PRELID2: variants seen among roughly 807,000 people sequenced by gnomAD.
PRELID2 encodes PRELI domain containing 2.
In PRELID2, 25 loss-of-function variants were observed where a neutral mutation model predicts 28.4. The ratio of observed to expected loss-of-function variants is 0.88; its 90% CI spans 0.64 to 1.23. The LOEUF (loss-of-function observed/expected upper bound fraction) is 1.23. Among genes scored for constraint, PRELID2 ranks in the 50% most tolerant of loss-of-function variants. PRELID2 has a pLI of 0.00. For missense variants in PRELID2, 201 were observed against 214.4 expected, an observed-to-expected ratio of 0.94 and a Z score of 0.39; for synonymous variants, 76 against 71.6, an observed-to-expected ratio of 1.06 and a Z score of -0.31.
At position 145,819,976 on chromosome 5, in the gene PRELID2, C is replaced by G; in HGVS notation, c.176G>C (p.Cys59Ser). The G allele has an allele frequency of 6.2e-7, 1 of 1,608,122 alleles. No homozygotes were observed. The highest frequency in any genetic ancestry group is 8.5e-7 in the Non-Finnish European group (1 of 1,176,720). ...TAAAATTTCTGGAACCACGTTCTGA[C>G]AGATTGCAATCCTCTTTCTGTAGAT... is the stretch of plus-strand genomic sequence containing the variant. ...GVIYRKRIAI[C>S]QNVVPEILRK... Residue 59 changes from cysteine (C) to serine (S), a missense_variant, in exon 3 of 7, where the codon TGT becomes TCT. By Grantham distance (112) the Cys-to-Ser change is moderately radical. Transcript: ENST00000683046.
the PRELID2 span, among the ~76,000 whole-genome samples, chr5:145,429,688 A>T: frequency 1.3e-5 from 2 of 151,854 alleles, no homozygotes; most frequent in Admixed American, 1.3e-4. Context: ...CAAATGTTGA[A>T]TATCTCCCAA....
intron 1 of PRELID2, among the ~76,000 whole-genome samples, chr5:145,538,650 C>T (rs1243956252): frequency 6.6e-6 from 1 of 151,892 alleles, no homozygotes; most frequent in Non-Finnish European, 1.5e-5. Flanking sequence ...AGTCATGAGA[C>T]TTTTTAACTC....
the PRELID2 span, among the ~76,000 whole-genome samples, chr5:145,359,517 A>T: frequency 6.6e-6 from 1 of 152,226 alleles, no homozygotes; most frequent in Non-Finnish European, 1.5e-5. Flanking sequence ...TTGTCACAAC[A>T]TCAATTATGA....
chr5:145,587,515 T>C (rs2149628703), intron 1 of PRELID2, among the ~76,000 whole-genome samples: 1 of 152,290 alleles, frequency 6.6e-6, no homozygotes, highest in South Asian at 2.1e-4. Flanking sequence ...GCTCTAACTT[T>C]GCAGGAGATA....
the PRELID2 span, among the ~76,000 whole-genome samples, chr5:145,444,960 C>A: frequency 6.6e-6 from 1 of 151,908 alleles, no homozygotes; most frequent in Non-Finnish European, 1.5e-5. Flanking sequence ...ATTACCCAAG[C>A]AATATATAGA....
In PRELID2 at chr5:145,478,377, C is replaced by T. The variant is rs182619601; in HGVS notation, n.71-5062G>A. 1.4e-4 allele frequency among the ~76,000 whole-genome samples: 21 copies of T among 152,186 alleles called. No individual in the cohort carries two copies. In the East Asian group the frequency reaches 4.1e-3, roughly 30 times the overall value. On this transcript the variant is annotated intron_variant and non_coding_transcript_variant, in intron 1 of 2. Transcript: ENST00000510259. ...CCTGGCCAACATGGTGAAACCCCGT[C>T]TCTACTAAAAGTACAAAAGATTAGC...
At chr5:145,518,135 TATAATA>T (rs56385008) in intron 1 of PRELID2, among the ~76,000 whole-genome samples, 40,357 of 142,212 alleles carry the variant, frequency 0.28, 5,681 homozygotes, top group South Asian at 0.4. Context: ...GAACTTGAAG[TATAATA>T]ATAATAATAA....
At chr5:145,643,144 A>T (rs913784097) in intron 1 of PRELID2, among the ~76,000 whole-genome samples, 1 of 152,180 alleles carries the variant, frequency 6.6e-6, no homozygotes, top group Non-Finnish European at 1.5e-5. Flanking sequence ...CTTCCTATAC[A>T]TGAGCATGGA....
At chr5:145,805,170 A>T (rs1310337459) in intron 4 of PRELID2, among the ~76,000 whole-genome samples, 1 of 152,174 alleles carries the variant, frequency 6.6e-6, no homozygotes, top group Admixed American at 6.5e-5. Flanking sequence ...TATAGTTTTG[A>T]CACTAATCAT....
At chr5:145,542,918 T>G (rs1330191015) in intron 1 of PRELID2, among the ~76,000 whole-genome samples, 2 of 152,102 alleles carry the variant, frequency 1.3e-5, no homozygotes. Context: ...AACAAAGATC[T>G]CTGGCCTGCA....
chr5:145,495,748 A>G (rs566790456), intron 1 of PRELID2, among the ~76,000 whole-genome samples: 1 of 152,218 alleles, frequency 6.6e-6, no homozygotes, highest in Non-Finnish European at 1.5e-5. Flanking sequence ...TGCATTAATA[A>G]TGCTAGATTT....
At chr5:145,569,549 G>A (rs1374192241) in intron 1 of PRELID2, among the ~76,000 whole-genome samples, 1 of 152,116 alleles carries the variant, frequency 6.6e-6, no homozygotes, top group East Asian at 1.9e-4. Context: ...TATGGTTTAA[G>A]AGAAAACAAG....
chr5:145,407,161 G>A, the PRELID2 span, among the ~76,000 whole-genome samples: 2 of 152,170 alleles, frequency 1.3e-5, no homozygotes, highest in Non-Finnish European at 1.5e-5. Context: ...GGTATGGAAG[G>A]GTGAGTTCTG....
At chr5:145,258,250 G>T in the PRELID2 span, among the ~76,000 whole-genome samples, 5 of 152,292 alleles carry the variant, frequency 3.3e-5, no homozygotes, top group East Asian at 1.9e-4. Context: ...AGTGGGCATT[G>T]CTATAAAGAT....
At position 145,825,157 on chromosome 5, in the gene PRELID2, C is replaced by T. The variant is rs183254589; in HGVS notation, c.76-2023G>A. On this transcript the variant is annotated intron_variant, in intron 1 of 6. Coordinates refer to ENST00000683046, the MANE Select transcript of PRELID2 (RefSeq NM_205846.3). ...AGGAGAATTGCTTGAACCTGGGAGG[C>T]GGAGGTTGCAGTGAGCCGAGATCAT... Among the ~76,000 whole-genome samples, 323 of 125,088 alleles carry T rather than the reference C, an allele frequency of 2.6e-3. 1 individual carries two copies. Among genetic ancestry groups the T allele is most frequent in the African/African-American group, 9.1e-3 (305 of 33,550 alleles). The allele number at this position is 125,088 out of a possible 152,430, so 82.1% of individuals were successfully genotyped here.
intron 5 of PRELID2, among the ~76,000 whole-genome samples, chr5:145,790,721 G>GTGTGTGTGTGTGTA (rs772901344): frequency 0.038 from 4,181 of 110,808 alleles, 118 homozygotes; most frequent in East Asian, 0.11. Flanking sequence ...GTGTGTGTGT[G>GTGTGTGTGTGTGTA]TATATATATA....
intron 1 of PRELID2, among the ~76,000 whole-genome samples, chr5:145,601,364 G>A (rs1335354514): frequency 6.6e-6 from 1 of 151,730 alleles, no homozygotes; most frequent in East Asian, 1.9e-4. Flanking sequence ...AGAATAATAA[G>A]GTCTAAAATC....
chr5:145,827,892 T>C (rs1385055561), intron 1 of PRELID2, among the ~76,000 whole-genome samples: 3 of 152,146 alleles, frequency 2.0e-5, no homozygotes, highest in Non-Finnish European at 4.4e-5. Flanking sequence ...ATTGACAAAA[T>C]CTAAATAGGG....
intron 1 of PRELID2, chr5:145,728,744 T>G: frequency 6.7e-7 from 1 of 1,483,320 alleles, no homozygotes; most frequent in Non-Finnish European, 9.4e-7. Context: ...TCTCTTCAAC[T>G]GTTGTGAAGG....
Sources: allele counts gnomAD v4.1 joint callset (sites outside exome capture counted in the v4.1 genomes callset), GRCh38; gene constraint gnomAD v4.1.1; transcripts MANE v1.5; gene names NCBI Gene and HGNC (gene_info 2026-07-23, HGNC 2026-07-21).